Variants in PNPLA5 observed in about 807,000 individuals in gnomAD.
PNPLA5 encodes patatin like domain 5, triacylglycerol lipase.
A neutral mutation model predicts 49.1 loss-of-function variants in PNPLA5; 44 were observed. The observed-to-expected ratio is 0.90, with a 90% CI of 0.70 to 1.15. The LOEUF (loss-of-function observed/expected upper bound fraction) is 1.15. Among genes scored for constraint, PNPLA5 ranks in the 50% most tolerant of loss-of-function variants. PNPLA5 has a pLI of 0.00. For synonymous variants in PNPLA5, 243 were observed against 244.4 expected (o/e 0.99, Z 0.06); for missense variants, 603 against 564.0 (o/e 1.07, Z -0.70).
chr22:43,883,081 C>G (rs189606270), intron 7 of PNPLA5, among the ~76,000 whole-genome samples: 10 of 152,354 alleles, frequency 6.6e-5, no homozygotes, highest in Admixed American at 2.0e-4. Context: ...TCCCTCCTGC[C>G]TCTGGATCTT....
rs753642925 is a variant in PNPLA5 at position 43,881,539 on chromosome 22, T to C, written c.1199+19A>G. On this transcript the variant is annotated intron_variant, in intron 8 of 8. Coordinates refer to ENST00000216177, the MANE Select transcript of PNPLA5 (RefSeq NM_138814.4). ...AGCACAGCCACCCCCTCTCCATCCC[T>C]GCCCTCTGCCCACCTCACCTGATGG... is the stretch of plus-strand genomic sequence containing the variant. 2.6e-6 allele frequency: 4 copies of C among 1,562,406 alleles called. No individual in the cohort carries two copies. The highest frequency in any genetic ancestry group is 1.4e-5 in the African/African-American group (1 of 73,306).
rs915777640 is a variant in PNPLA5 at position 43,889,978 on chromosome 22, C to T, written c.427-114G>A. 5.1e-5 allele frequency: 76 copies of T among 1,486,796 alleles called. 1 individual carries two copies. The South Asian group carries it at 8.3e-4, about 16-fold the overall frequency. The allele number at this position is 1,486,796 out of a possible 1,614,324, so 92.1% of individuals were successfully genotyped here. A position where few individuals can be genotyped will look rare whatever the true frequency, so the allele number is the denominator to read the frequency against. ...TGCAAAGGAGGTGTCATCAGTCCCA[C>T]GTCCAGATGAGGGAGCTGAGGCATC... On this transcript the variant is annotated intron_variant, in intron 2 of 8. Coordinates refer to ENST00000216177, the MANE Select transcript of PNPLA5 (RefSeq NM_138814.4).
At chr22:43,890,415 T>G (rs1267989124) in intron 2 of PNPLA5, among the ~76,000 whole-genome samples, 1 of 152,222 alleles carries the variant, frequency 6.6e-6, no homozygotes, top group East Asian at 1.9e-4. Context: ...ACAGGACACC[T>G]AACAATGTCA....
chr22:43,890,018 C>A, intron 2 of PNPLA5, 154 bp from the exon 3 acceptor site: 2 of 1,429,232 alleles, frequency 1.4e-6, no homozygotes, highest in Non-Finnish European at 1.8e-6. Flanking sequence ...CCCAGCCAAG[C>A]TCTCCAAGGG....
intron 4 of PNPLA5, 144 bp downstream of exon 4, chr22:43,889,185 A>C: frequency 1.1e-6 from 1 of 876,138 alleles, no homozygotes; most frequent in East Asian, 2.6e-5. Context: ...CTTAGGATTC[A>C]GGTGTTTGGC....
At chr22:43,890,466 C>T (rs1025511378) in intron 2 of PNPLA5, among the ~76,000 whole-genome samples, 9 of 152,178 alleles carry the variant, frequency 5.9e-5, no homozygotes, top group Non-Finnish European at 1.2e-4. Context: ...TGCACTTGAG[C>T]GTGCGCGTAC....
Position 43,891,896 on chromosome 22 carries a change from C to G in PNPLA5, c.-16G>C. The G allele has an allele frequency of 1.3e-6, 2 of 1,505,086 alleles. No individual in the cohort carries two copies. The highest frequency in any genetic ancestry group is 1.4e-5 in the African/African-American group (1 of 69,214). 93.2% of individuals were successfully genotyped at this position (1,505,086 alleles called of 1,614,324 possible). A position where few individuals can be genotyped will look rare whatever the true frequency, so the allele number is the denominator to read the frequency against. ...AGAAGCCCATGGCGGGTGGACCGGG[C>G]GGGGTGATCGGGACGAGGAAGGGTC... is the stretch of plus-strand genomic sequence containing the variant. On this transcript the variant is annotated 5_prime_UTR_variant, in exon 1 of 9. Transcript: ENST00000216177.
At chr22:43,887,439 T>C (rs1490609305) in intron 5 of PNPLA5, 152 bp downstream of exon 5, 1 of 888,234 alleles carries the variant, frequency 1.1e-6, no homozygotes, top group Non-Finnish European at 1.7e-6. Flanking sequence ...CTTCTCTGAG[T>C]CCCCAGTACT....
At chr22:43,887,946 C>T (rs568881852) in intron 4 of PNPLA5, among the ~76,000 whole-genome samples, 3 of 152,354 alleles carry the variant, frequency 2.0e-5, no homozygotes, top group African/African-American at 7.2e-5. Flanking sequence ...CCTCCCCTCT[C>T]TTGCCTCAGT....
At chr22:43,888,047 C>T (rs2049684017) in intron 4 of PNPLA5, among the ~76,000 whole-genome samples, 1 of 152,150 alleles carries the variant, frequency 6.6e-6, no homozygotes, top group Non-Finnish European at 1.5e-5. Context: ...TTCCCTTTGC[C>T]CCTTCGATGT....
intron 6 of PNPLA5, among the ~76,000 whole-genome samples, chr22:43,885,264 C>A (rs4557090): frequency 0.12 from 18,122 of 152,160 alleles, 1,152 homozygotes; most frequent in African/African-American, 0.13. Context: ...CATTTCTGCA[C>A]GTCCTCGTGT....
intron 7 of PNPLA5, among the ~76,000 whole-genome samples, chr22:43,883,090 T>C (rs2049626728): frequency 6.6e-6 from 1 of 152,230 alleles, no homozygotes; most frequent in Admixed American, 6.5e-5. Flanking sequence ...CCTCTGGATC[T>C]TTGCACATGC....
intron 2 of PNPLA5, 185 bp from the exon 3 acceptor site, chr22:43,890,049 C>G (rs898989055): frequency 7.2e-7 from 1 of 1,380,822 alleles, no homozygotes; most frequent in Non-Finnish European, 9.4e-7. Context: ...TGGAGCACCT[C>G]TGTCTTGACA....
rs147520047 is a variant in PNPLA5 at position 43,880,731 on chromosome 22, C to G, written c.*64G>C. On this transcript the variant is annotated 3_prime_UTR_variant, in exon 9 of 9. Transcript: ENST00000216177. ...TCCCGCTGGGGCAGATGTGGGCACA[C>G]AGGACAAAGGCCAGAGCAGGAATCA... 2.3e-4 allele frequency: 285 copies of G among 1,250,420 alleles called. 5 individuals are homozygous for G. The East Asian group carries it at 8.5e-3, about 37-fold the overall frequency. The allele number at this position is 1,250,420 out of a possible 1,614,324, so 77.5% of individuals were successfully genotyped here. A position where few individuals can be genotyped will look rare whatever the true frequency, so the allele number is the denominator to read the frequency against.
intron 2 of PNPLA5, among the ~76,000 whole-genome samples, chr22:43,890,573 T>C (rs2049712207): frequency 1.3e-5 from 2 of 152,204 alleles, no homozygotes; most frequent in East Asian, 3.8e-4. Context: ...ACCTCCTTAC[T>C]TGGAGATGAG....
At chr22:43,884,834 C>T (rs2049645797) in intron 6 of PNPLA5, among the ~76,000 whole-genome samples, 1 of 152,226 alleles carries the variant, frequency 6.6e-6, no homozygotes, top group Admixed American at 6.5e-5. Context: ...GTGGAAGGGA[C>T]CAGCATCTGG....
chr22:43,888,310 A>C (rs1205364449), intron 4 of PNPLA5, among the ~76,000 whole-genome samples: 4 of 149,716 alleles, frequency 2.7e-5, no homozygotes, highest in African/African-American at 9.9e-5. Context: ...CTTAGAAAGC[A>C]CTACACAAAC....
chr22:43,886,563 C>G, intron 5 of PNPLA5, 75 bp from the exon 6 acceptor site: 3 of 1,523,916 alleles, frequency 2.0e-6, no homozygotes, highest in Non-Finnish European at 2.6e-6. Flanking sequence ...CCACATCCCT[C>G]AGAGCCCAAA....
At position 43,889,538 on chromosome 22, in the gene PNPLA5, G is replaced by C. The variant is rs144355101; in HGVS notation, c.493C>G (p.Arg165Gly). ...GLIPPEFRGERYIDGALSNNL... is the reference protein window; with the variant it reads ...GLIPPEFRGEGYIDGALSNNL... ...TTGCTCAGAGCCCCATCGATGTAGC[G>C]CTGCAATTTGTGGGGAGCAGGTGGG... The change falls in exon 4 of 9, where the codon CGC (arginine) becomes GGC (glycine). Residue 165 changes from arginine (R) to glycine (G), a missense_variant and splice_region_variant. Arg to Gly is a moderately radical substitution (Grantham distance 125). Transcript: ENST00000216177. 6.2e-7 allele frequency: 1 copy of C among 1,601,130 alleles called. No individual in the cohort carries two copies. The highest frequency in any genetic ancestry group is 8.5e-7 in the Non-Finnish European group (1 of 1,171,956).
Sources: allele counts gnomAD v4.1 joint callset (sites outside exome capture counted in the v4.1 genomes callset), GRCh38; gene constraint gnomAD v4.1.1; transcripts MANE v1.5; gene names NCBI Gene and HGNC (gene_info 2026-07-23, HGNC 2026-07-21).